PGM5: variants seen among roughly 807,000 people sequenced by gnomAD.
The protein encoded by PGM5 is phosphoglucomutase-like protein 5.
A neutral mutation model predicts 59.2 loss-of-function variants in PGM5; 23 were observed. The ratio of observed to expected loss-of-function variants is 0.39; its 90% CI spans 0.28 to 0.55. The LOEUF (loss-of-function observed/expected upper bound fraction) is 0.55, where lower values mean the gene tolerates loss of function less well. Among genes scored for constraint, PGM5 ranks in the 20% least tolerant of loss-of-function variants. PGM5 has a pLI of 0.66. For missense variants in PGM5, 574 were observed against 748.3 expected (o/e 0.77, Z 2.72); for synonymous variants, 214 against 286.0 (o/e 0.75, Z 2.54).
At chr9:68,382,069 AT>A (rs1822092928) in intron 2 of PGM5, among the ~76,000 whole-genome samples, 1 of 150,508 alleles carries the variant, frequency 6.6e-6, no homozygotes. Flanking sequence ...AACCAAAGCA[AT>A]GTTGAGGAAA....
At chr9:68,443,772 CT>C (rs1473301295) in intron 6 of PGM5, among the ~76,000 whole-genome samples, 1 of 152,218 alleles carries the variant, frequency 6.6e-6, no homozygotes, top group Non-Finnish European at 1.5e-5. Flanking sequence ...ATTTGTATAG[CT>C]TTGTAACAAA....
intron 6 of PGM5, among the ~76,000 whole-genome samples, chr9:68,416,495 A>G (rs1360559179): frequency 1.3e-5 from 2 of 152,046 alleles, no homozygotes; most frequent in Non-Finnish European, 2.9e-5. Flanking sequence ...TGTTCTCTTC[A>G]TTCCCTTCCT....
At chr9:68,464,844 TA>T (rs1402952472) in intron 6 of PGM5, among the ~76,000 whole-genome samples, 2 of 152,190 alleles carry the variant, frequency 1.3e-5, no homozygotes, top group Non-Finnish European at 2.9e-5. Context: ...GAAACAAATG[TA>T]AAAAATATTC....
chr9:68,447,611 G>GTTA (rs782417036), intron 6 of PGM5, among the ~76,000 whole-genome samples: 5 of 152,088 alleles, frequency 3.3e-5, no homozygotes, highest in African/African-American at 4.8e-5. Flanking sequence ...AATGTTAGCT[G>GTTA]TTATTATTAT....
intron 5 of PGM5, among the ~76,000 whole-genome samples, 198 bp downstream of exon 5, chr9:68,391,922 C>T (rs114117506): frequency 0.012 from 1,867 of 152,192 alleles, 31 homozygotes; most frequent in African/African-American, 0.043. Context: ...TCCAGATTTA[C>T]GTTATGGCAT....
At chr9:68,427,756 G>A (rs1823262470) in intron 6 of PGM5, among the ~76,000 whole-genome samples, 1 of 152,212 alleles carries the variant, frequency 6.6e-6, no homozygotes. Flanking sequence ...TTCCTTGGAA[G>A]TCTGTGTAAT....
intron 6 of PGM5, chr9:68,397,580 A>G (rs1822543145): frequency 1.3e-5 from 2 of 152,208 alleles, no homozygotes; most frequent in African/African-American, 4.8e-5. Context: ...TTATCCACTC[A>G]AGAAATATTT....
At chr9:68,520,849 T>G (rs1317507938) in intron 10 of PGM5, among the ~76,000 whole-genome samples, 2 of 152,244 alleles carry the variant, frequency 1.3e-5, no homozygotes, top group Non-Finnish European at 2.9e-5. Context: ...AGGCTTTGTC[T>G]TCAGAAGGAC....
At chr9:68,455,095 T>C (rs1823752885) in intron 6 of PGM5, among the ~76,000 whole-genome samples, 2 of 152,184 alleles carry the variant, frequency 1.3e-5, no homozygotes, top group Non-Finnish European at 2.9e-5. Context: ...CTCGGAACCA[T>C]GCAGAGAGAG....
chr9:68,359,084 T>C (rs1834526611), intron 1 of PGM5, among the ~76,000 whole-genome samples: 1 of 152,144 alleles, frequency 6.6e-6, no homozygotes, highest in Admixed American at 6.5e-5. Flanking sequence ...CCAATACTTG[T>C]TGTGGGTCAG....
At chr9:68,365,752 G>T (rs1834667300) in intron 1 of PGM5, among the ~76,000 whole-genome samples, 1 of 151,884 alleles carries the variant, frequency 6.6e-6, no homozygotes, top group African/African-American at 2.4e-5. Flanking sequence ...CTGGTTTTTA[G>T]CTATCAATAT....
intron 10 of PGM5, among the ~76,000 whole-genome samples, chr9:68,513,334 C>G (rs1297909384): frequency 6.6e-6 from 1 of 152,162 alleles, no homozygotes; most frequent in African/African-American, 2.4e-5. Flanking sequence ...AAATCAAATT[C>G]CTTTTTCAGG....
At chr9:68,413,017 C>A (rs1822960290) in intron 6 of PGM5, among the ~76,000 whole-genome samples, 1 of 152,156 alleles carries the variant, frequency 6.6e-6, no homozygotes, top group African/African-American at 2.4e-5. Context: ...GGTAGGAAAC[C>A]TGTTGTTACT....
chr9:68,479,311 A>G, intron 7 of PGM5, 107 bp from the exon 8 acceptor site: 3 of 982,034 alleles, frequency 3.1e-6, no homozygotes, highest in African/African-American at 1.6e-5. Flanking sequence ...TAAATGATCC[A>G]ATCATTTCTA....
At chr9:68,405,646 CCTTCG>C (rs1403573788) in intron 6 of PGM5, 59 of 153,538 alleles carry the variant, frequency 3.8e-4, no homozygotes, top group African/African-American at 1.4e-3. Flanking sequence ...TCCCTCCTTC[CCTTCG>C]CTTCTCCTTC....
chr9:68,433,414 G>A (rs1329601608), intron 6 of PGM5, among the ~76,000 whole-genome samples: 1 of 152,222 alleles, frequency 6.6e-6, no homozygotes, highest in Admixed American at 6.5e-5. Context: ...CTCTTTAAAA[G>A]ATTGTTGAGA....
chr9:68,498,648 T>C (rs2132104457), intron 9 of PGM5: 1 of 152,558 alleles, frequency 6.6e-6, no homozygotes, highest in East Asian at 1.9e-4. Context: ...GACTTGTCAT[T>C]TTTCTCGATT....
rs1342536033 is a variant in PGM5 at position 68,483,958 on chromosome 9, G to A, written c.1389G>A (p.Gln463=). ...LVTDKSFIGQ[Q]FAVGSHVYSV... is the part of the protein sequence containing the mutation. ...CAGACAAATCCTTCATTGGCCAGCA[G>A]TTTGCTGTGGGGAGCCATGTCTACA... Residue 463 remains glutamine, a synonymous_variant, in exon 9 of 11, where the codon CAG becomes CAA. Coordinates refer to ENST00000396396, the MANE Select transcript of PGM5 (RefSeq NM_021965.4). 3.1e-6 allele frequency: 5 copies of A among 1,614,156 alleles called. No individual in the cohort carries two copies. The Admixed American group carries it at 6.7e-5, about 22-fold the overall frequency.
At chr9:68,377,433 A>C (rs1821949871) in intron 1 of PGM5, among the ~76,000 whole-genome samples, 1 of 152,240 alleles carries the variant, frequency 6.6e-6, no homozygotes, top group South Asian at 2.1e-4. Context: ...AAGCTTCGTA[A>C]GTGATTCTAT....
Sources: allele counts gnomAD v4.1 joint callset (sites outside exome capture counted in the v4.1 genomes callset), GRCh38; gene constraint gnomAD v4.1.1; transcripts MANE v1.5; gene names NCBI Gene and HGNC (gene_info 2026-07-23, HGNC 2026-07-21).